MAP2K6: variants seen among roughly 807,000 people sequenced by gnomAD.
MAP2K6 encodes dual specificity mitogen-activated protein kinase kinase 6.
In MAP2K6, 16 loss-of-function variants were observed where a neutral mutation model predicts 53.7. The observed-to-expected ratio is 0.30, with a 90% CI of 0.20 to 0.45. MAP2K6 has a LOEUF of 0.45. Among genes scored for constraint, MAP2K6 ranks in the 20% least tolerant of loss-of-function variants. MAP2K6 has a pLI of 1.00. For missense variants in MAP2K6, 204 were observed against 411.9 expected, an observed-to-expected ratio of 0.50 and a Z score of 4.37; for synonymous variants, 132 against 143.1, an observed-to-expected ratio of 0.92 and a Z score of 0.55.
At chr17:69,429,012 A>G (rs1397626719) in intron 1 of MAP2K6, among the ~76,000 whole-genome samples, 1 of 151,884 alleles carries the variant, frequency 6.6e-6, no homozygotes, top group Non-Finnish European at 1.5e-5. Context: ...AATGAGACCT[A>G]CACAACACTC....
intron 2 of MAP2K6, among the ~76,000 whole-genome samples, chr17:69,506,401 CCTT>C (rs71144697): frequency 0.18 from 26,752 of 145,270 alleles, 2,508 homozygotes; most frequent in Middle Eastern, 0.25. Context: ...GAGGATGTCT[CCTT>C]CTTGTTTTTT....
intron 9 of MAP2K6, among the ~76,000 whole-genome samples, chr17:69,525,274 G>T (rs771714920): frequency 2.0e-5 from 3 of 152,102 alleles, no homozygotes; most frequent in Non-Finnish European, 4.4e-5. Context: ...AAAACGAGAG[G>T]ATCTGACCAG....
chr17:69,532,629 G>A (rs989859192), intron 10 of MAP2K6, among the ~76,000 whole-genome samples: 8 of 152,198 alleles, frequency 5.3e-5, no homozygotes, highest in African/African-American at 1.9e-4. Flanking sequence ...CTTATCCTGA[G>A]TGTATTGCTA....
chr17:69,514,984 C>T lies in MAP2K6; in HGVS notation c.84-1871C>T, dbSNP rs377580973. ...GGTTTCTTTTCTCTCTCACTTTCATCTTTCCATTTTCCTTTGCCTTTTTCT... is the reference window on the plus strand; with the variant it reads ...GGTTTCTTTTCTCTCTCACTTTCATTTTTCCATTTTCCTTTGCCTTTTTCT... On this transcript the variant is annotated intron_variant, in intron 2 of 11. Coordinates refer to ENST00000590474, the MANE Select transcript of MAP2K6 (RefSeq NM_002758.4). Among the ~76,000 whole-genome samples, 7 of 152,282 alleles carry T rather than the reference C, an allele frequency of 4.6e-5. No individual in the cohort carries two copies. In the East Asian group the frequency reaches 1.4e-3, roughly 29 times the overall value.
chr17:69,426,084 G>A (rs965724861), intron 1 of MAP2K6, among the ~76,000 whole-genome samples: 9 of 152,030 alleles, frequency 5.9e-5, no homozygotes, highest in African/African-American at 2.2e-4. Flanking sequence ...TTTCATTCAG[G>A]GTCTTCTATG....
At position 69,466,258 on chromosome 17, in the gene MAP2K6, C is replaced by T. The variant is rs117628920; in HGVS notation, c.17-39522C>T. ...AGTGAGCCAAGAGCAAGCCACTACT[C>T]CAGCCTGGGTGACGGAGTGAGACTG... On this transcript the variant is annotated intron_variant, in intron 1 of 11. Transcript: ENST00000590474. Among the ~76,000 whole-genome samples the T allele has an allele frequency of 7.0e-3, 1,047 of 150,474 alleles. 23 individuals carry two copies. Among genetic ancestry groups the T allele is most frequent in the East Asian group, 0.064 (325 of 5,100 alleles).
intron 1 of MAP2K6, among the ~76,000 whole-genome samples, chr17:69,484,816 A>G (rs1908468853): frequency 1.3e-5 from 2 of 152,180 alleles, no homozygotes; most frequent in South Asian, 4.1e-4. Flanking sequence ...GAAAGGAGCC[A>G]GTCACAAAAG....
chr17:69,435,539 A>G (rs934470115), intron 1 of MAP2K6: 1 of 152,050 alleles, frequency 6.6e-6, no homozygotes, highest in African/African-American at 2.4e-5. Flanking sequence ...GTCTCAAAAA[A>G]AAAAAAAAAA....
At chr17:69,489,657 A>G (rs1908670460) in intron 1 of MAP2K6, among the ~76,000 whole-genome samples, 1 of 152,246 alleles carries the variant, frequency 6.6e-6, no homozygotes, top group African/African-American at 2.4e-5. Context: ...GTTAATATTG[A>G]AATGAGTACA....
At chr17:69,445,625 G>A (rs1567820063) in intron 1 of MAP2K6, among the ~76,000 whole-genome samples, 1 of 152,178 alleles carries the variant, frequency 6.6e-6, no homozygotes, top group Non-Finnish European at 1.5e-5. Flanking sequence ...GTGAACCCAA[G>A]GCTAGGACCG....
chr17:69,520,249 C>T, intron 5 of MAP2K6, 21 bp from the exon 6 acceptor site: 2 of 1,228,876 alleles, frequency 1.6e-6, no homozygotes, highest in South Asian at 1.3e-5. Context: ...TTAAACAATT[C>T]CTGAAACAAT....
At chr17:69,517,187 G>C (rs1250555287) in intron 3 of MAP2K6, among the ~76,000 whole-genome samples, 1 of 151,384 alleles carries the variant, frequency 6.6e-6, no homozygotes, top group Admixed American at 6.6e-5. Flanking sequence ...TCAATAGTGG[G>C]TTACAGACAC....
At chr17:69,463,762 A>G (rs1907708714) in intron 1 of MAP2K6, among the ~76,000 whole-genome samples, 2 of 152,062 alleles carry the variant, frequency 1.3e-5, no homozygotes, top group African/African-American at 2.4e-5. Context: ...AAAATAAGCT[A>G]TAACCAACAA....
chr17:69,533,753 T>A (rs1225668681), intron 10 of MAP2K6, among the ~76,000 whole-genome samples: 3 of 145,396 alleles, frequency 2.1e-5, no homozygotes, highest in Non-Finnish European at 4.5e-5. Flanking sequence ...TTTTTTTTTT[T>A]ACCAGGGTCT....
chr17:69,445,887 G>T (rs1298981520), intron 1 of MAP2K6, among the ~76,000 whole-genome samples: 1 of 152,116 alleles, frequency 6.6e-6, no homozygotes, highest in Non-Finnish European at 1.5e-5. Context: ...GCTTGTGCAG[G>T]TCTCTTTTTC....
intron 1 of MAP2K6, among the ~76,000 whole-genome samples, chr17:69,432,182 CAT>C (rs1233391734): frequency 6.6e-6 from 1 of 152,240 alleles, no homozygotes; most frequent in African/African-American, 2.4e-5. Context: ...AGTGTTGTGA[CAT>C]GTGGCATTTT....
chr17:69,516,079 G>T (rs1910125783), intron 2 of MAP2K6, among the ~76,000 whole-genome samples: 1 of 151,900 alleles, frequency 6.6e-6, no homozygotes, highest in African/African-American at 2.4e-5. Flanking sequence ...CTGGGTGGGG[G>T]GATGATTTCG....
In MAP2K6 at chr17:69,526,662, C is replaced by T. The variant is rs978351993; in HGVS notation, c.834C>T (p.Leu278=). Residue 278 remains leucine (L), a synonymous_variant, in exon 10 of 12, where the codon CTC becomes CTT. Coordinates refer to ENST00000590474, the MANE Select transcript of MAP2K6 (RefSeq NM_002758.4). The part of the protein sequence containing the change: ...KQVVEEPSPQ[L]PADKFSAEFV... ...TGGTAGAGGAGCCATCGCCACAACT[C>T]CCAGCAGACAAGTTCTCTGCAGAGT... 6 of 1,613,952 alleles carry T rather than the reference C, an allele frequency of 3.7e-6. No homozygotes were observed. In the African/African-American group the frequency reaches 4.0e-5, roughly 11 times the overall value.
intron 1 of MAP2K6, among the ~76,000 whole-genome samples, chr17:69,445,729 A>C (rs970575729): frequency 6.6e-6 from 1 of 152,154 alleles, no homozygotes; most frequent in African/African-American, 2.4e-5. Context: ...TTGTTTCTAA[A>C]GCCTGCGTCA....
Sources: gnomAD v4.1 joint callset for allele counts (sites outside exome capture counted in the v4.1 genomes callset) on GRCh38, gnomAD v4.1.1 for gene constraint, MANE v1.5 for transcripts, NCBI Gene and HGNC (gene_info 2026-07-23, HGNC 2026-07-21) for gene names.